The following MROH2A variants were observed in gnomAD, a reference collection of about 807,000 sequenced individuals.
The protein encoded by MROH2A is maestro heat like repeat family member 2A.
A neutral mutation model predicts 200.4 loss-of-function variants in MROH2A; 174 were observed. That is an observed-to-expected ratio of 0.87 (90% CI 0.77 to 0.98). The LOEUF (loss-of-function observed/expected upper bound fraction) is 0.98, where lower values mean the gene tolerates loss of function less well. Among genes scored for constraint, MROH2A ranks in the 50% least tolerant of loss-of-function variants. The pLI, the probability that MROH2A is intolerant of heterozygous loss-of-function variation, is 0.00. For synonymous variants in MROH2A, 829 were observed against 840.4 expected, an observed-to-expected ratio of 0.99 and a Z score of 0.23; for missense variants, 2,045 against 2,139.6, an observed-to-expected ratio of 0.96 and a Z score of 0.87.
In MROH2A at chr2:233,787,406, A is replaced by AACACAC. The variant is rs149271880; in HGVS notation, c.277-2071_277-2066dup. ...TTCATTATAAAGCATGGATATGTAT[A>AACACAC]ACACACACACACACACACACACACA... On this transcript the variant is annotated intron_variant, in intron 3 of 41. Coordinates refer to ENST00000389758, the MANE Select transcript of MROH2A (RefSeq NM_001394639.1). 2.5e-4 allele frequency among the ~76,000 whole-genome samples: 32 copies of AACACAC among 127,272 alleles called. 1 individual carries two copies. In the East Asian group the frequency reaches 4.9e-3, roughly 20 times the overall value. 83.5% of individuals were successfully genotyped at this position (127,272 alleles called of 152,430 possible).
chr2:233,800,042 T>A (rs1476119720), intron 13 of MROH2A, 143 bp downstream of exon 13: 1 of 1,224,698 alleles, frequency 8.2e-7, no homozygotes, highest in Non-Finnish European at 1.1e-6. Flanking sequence ...ACAGTGAACC[T>A]GCAGGTGACA....
intron 3 of MROH2A, among the ~76,000 whole-genome samples, chr2:233,784,964 G>A (rs1701123769): frequency 6.6e-6 from 1 of 151,996 alleles, no homozygotes; most frequent in Admixed American, 6.6e-5. Flanking sequence ...TGACCAATGT[G>A]GTAAAACCCC....
rs143758019 is a variant in MROH2A, at chr2:233,799,982, C to A, written c.1449+83C>A. 1.3e-4 allele frequency: 198 copies of A among 1,518,438 alleles called. No individual in the cohort carries two copies. In the African/African-American group the frequency reaches 2.2e-3, roughly 17 times the overall value. 94.1% of individuals were successfully genotyped at this position (1,518,438 alleles called of 1,614,324 possible). On this transcript the variant is annotated intron_variant, in intron 13 of 41. Coordinates refer to ENST00000389758, the MANE Select transcript of MROH2A (RefSeq NM_001394639.1). ...GTGCTGAGGGGAGAATGCCACTCAG[C>A]GTACCTGTGTTCAAACCTGCGTATC...
intron 40 of MROH2A, 47 bp from the exon 41 acceptor site, chr2:233,832,532 C>A: frequency 1.5e-6 from 2 of 1,375,808 alleles, no homozygotes; most frequent in Non-Finnish European, 1.0e-6. Flanking sequence ...GACTTGCCTG[C>A]TGACCTAATA....
At position 233,822,205 on chromosome 2, in the gene MROH2A, G is replaced by GCAGT. The variant is rs1479798178; in HGVS notation, c.3597_3600dup (p.Arg1201ValfsTer14). On this transcript the variant is annotated frameshift_variant, in exon 32 of 42. Transcript: ENST00000389758. LOFTEE classifies it high-confidence loss of function. ...TGCTCCACAGCCTGATGGGCCGGCTGCAGTCACGGCTCAGCCCCAGAATCA... is the reference window on the plus strand; with the variant it reads ...TGCTCCACAGCCTGATGGGCCGGCTGCAGTCAGTCACGGCTCAGCCCCAGAATCA... 6.5e-7 allele frequency: 1 copy of GCAGT among 1,548,714 alleles called. No individual in the cohort carries two copies. The highest frequency in any genetic ancestry group is 1.4e-5 in the African/African-American group (1 of 73,068).
Position 233,779,521 on chromosome 2 carries a change from A to C in MROH2A, c.94+69A>C. ...ACACTAACTCTTTGACTGCAGCCCCAGCCTAGGTCTCCCTTTCTCCATCTG... is the reference window on the plus strand; with the variant it reads ...ACACTAACTCTTTGACTGCAGCCCCCGCCTAGGTCTCCCTTTCTCCATCTG... On this transcript the variant is annotated intron_variant, in intron 2 of 41. Coordinates refer to ENST00000389758, the MANE Select transcript of MROH2A (RefSeq NM_001394639.1). 2.1e-6 allele frequency: 3 copies of C among 1,409,262 alleles called. No homozygotes were observed. The South Asian group carries it at 3.7e-5, about 17-fold the overall frequency. The allele number at this position is 1,409,262 out of a possible 1,614,324, so 87.3% of individuals were successfully genotyped here.
In MROH2A at chr2:233,823,140, G is replaced by A. The variant is rs533563963; in HGVS notation, c.4004+122G>A. 3.8e-6 allele frequency: 4 copies of A among 1,055,556 alleles called. No individual in the cohort carries two copies. In the African/African-American group the frequency reaches 6.4e-5, roughly 17 times the overall value. The allele number at this position is 1,055,556 out of a possible 1,614,324, so 65.4% of individuals were successfully genotyped here. A position where few individuals can be genotyped will look rare whatever the true frequency, so the allele number is the denominator to read the frequency against. On this transcript the variant is annotated intron_variant, in intron 34 of 41. Transcript: ENST00000389758. Reference sequence around the variant, plus strand: ...TGAAGGCCTTCTTTCTGGGGGAACTGCCACGCCAACCTGTGACTCTAGGAT... The same window carrying A: ...TGAAGGCCTTCTTTCTGGGGGAACTACCACGCCAACCTGTGACTCTAGGAT...
chr2:233,814,267 T>C (rs529929783), intron 25 of MROH2A, among the ~76,000 whole-genome samples: 2 of 152,074 alleles, frequency 1.3e-5, no homozygotes, highest in Non-Finnish European at 2.9e-5. Flanking sequence ...CCTGATGAGA[T>C]GGCTGTTTCC....
intron 35 of MROH2A, among the ~76,000 whole-genome samples, chr2:233,827,028 T>C (rs1303520056): frequency 6.6e-6 from 1 of 152,156 alleles, no homozygotes; most frequent in Non-Finnish European, 1.5e-5. Flanking sequence ...GGAGATACCA[T>C]ATCATGCCAG....
rs897111607 is a variant in MROH2A at position 233,793,642 on chromosome 2, G to T, written c.671-31G>T. 3 of 1,342,650 alleles carry T rather than the reference G, an allele frequency of 2.2e-6. No individual in the cohort carries two copies. In the South Asian group the frequency reaches 6.4e-5, roughly 29 times the overall value. The allele number at this position is 1,342,650 out of a possible 1,614,324, so 83.2% of individuals were successfully genotyped here. On this transcript the variant is annotated intron_variant, in intron 6 of 41. Transcript: ENST00000389758. The stretch of plus-strand genomic sequence containing the variant: ...TGGTTCTGCTTCCAGCCCCTCTGGC[G>T]CCAAGTGCATTCCCCTGTTGCTGTT...
chr2:233,806,817 T>C (rs1056683171), intron 19 of MROH2A, among the ~76,000 whole-genome samples: 2 of 152,188 alleles, frequency 1.3e-5, no homozygotes, highest in African/African-American at 4.8e-5. Context: ...TTTATTTCCA[T>C]AGGTTTTTGG....
Position 233,828,654 on chromosome 2 carries a change from C to G in MROH2A, c.4138C>G (p.Gln1380Glu). 1 of 1,550,782 alleles carries G rather than the reference C, an allele frequency of 6.4e-7. No homozygotes were observed. The highest frequency in any genetic ancestry group is 8.7e-7 in the Non-Finnish European group (1 of 1,147,020). The change falls in exon 36 of 42, where the codon CAG becomes GAG. Residue 1380 changes from glutamine (Q) to glutamate (E), a missense_variant. Gln to Glu is a conservative substitution (Grantham distance 29). Around this residue, in one of 3 missense-constraint regions of MROH2A, gnomAD observed 1,201 missense variants for 1,311.3 expected, o/e 0.92. Transcript: ENST00000389758. This position sits in a 1 kb window ranked among gnomAD's most constrained non-coding sequence, Gnocchi z 4.6. ...GTTCATGAGCGGCCCAGTTCTGTACCAGGAGAAGCTGCTGAAGCCGGCAGC... is the reference window on the plus strand; with the variant it reads ...GTTCATGAGCGGCCCAGTTCTGTACGAGGAGAAGCTGCTGAAGCCGGCAGC... ...VCFMSGPVLY[Q>E]EKLLKPAALL...
At chr2:233,823,359 T>C (rs986241061) in intron 34 of MROH2A, among the ~76,000 whole-genome samples, 197 bp from the exon 35 acceptor site, 4 of 152,134 alleles carry the variant, frequency 2.6e-5, no homozygotes, top group African/African-American at 9.7e-5. Flanking sequence ...AAAAAGGAGA[T>C]AGACATTGAC....
At chr2:233,792,465 A>C (rs954209217) in intron 5 of MROH2A, among the ~76,000 whole-genome samples, 1 of 151,946 alleles carries the variant, frequency 6.6e-6, no homozygotes, top group African/African-American at 2.4e-5. Flanking sequence ...GGCGCCTGCC[A>C]ACACGCCCGG....
intron 26 of MROH2A, among the ~76,000 whole-genome samples, chr2:233,815,468 A>C (rs899550750): frequency 6.6e-6 from 1 of 152,206 alleles, no homozygotes; most frequent in African/African-American, 2.4e-5. Context: ...CAAATCTAAG[A>C]AACCGTCCAA....
At chr2:233,776,565 GA>G (rs1700713123), upstream of MROH2A, among the ~76,000 whole-genome samples, 2 of 151,636 alleles carry the variant, frequency 1.3e-5, no homozygotes, top group Non-Finnish European at 2.9e-5. Context: ...GTTTCCCCAT[GA>G]AAAAAAGTAT....
At chr2:233,802,119 C>A (rs1477522072) in intron 14 of MROH2A, 49 bp from the exon 15 acceptor site, 1 of 1,513,114 alleles carries the variant, frequency 6.6e-7, no homozygotes, top group African/African-American at 1.4e-5. Flanking sequence ...CTTAGAAGCC[C>A]AGGGCTTGGG....
At chr2:233,826,174 C>T (rs186964149) in intron 35 of MROH2A, among the ~76,000 whole-genome samples, 276 of 152,264 alleles carry the variant, frequency 1.8e-3, no homozygotes, top group South Asian at 5.4e-3. Flanking sequence ...TTGCCCGCCT[C>T]GGCCTCCCAA....
rs957517940 is a variant in MROH2A, at chr2:233,820,226, G to A, written c.3512+170G>A. Among the ~76,000 whole-genome samples, 9 of 152,282 alleles carry A rather than the reference G, an allele frequency of 5.9e-5. No individual in the cohort carries two copies. Among genetic ancestry groups the A allele is most frequent in the East Asian group, 3.9e-4 (2 of 5,168 alleles). The stretch of plus-strand genomic sequence containing the variant: ...CCTGCAGGAGGTGCCAGCCTCCGAC[G>A]AGCCACTGACAGAGCCCAGGCTTGT... On this transcript the variant is annotated intron_variant, in intron 31 of 41. Coordinates refer to ENST00000389758, the MANE Select transcript of MROH2A (RefSeq NM_001394639.1). This position sits in a 1 kb window ranked among gnomAD's most constrained non-coding sequence, Gnocchi z 4.1.
Sources: allele counts gnomAD v4.1 joint callset (sites outside exome capture counted in the v4.1 genomes callset), GRCh38; gene constraint gnomAD v4.1.1; regional missense constraint gnomAD v4.1.1; non-coding constraint Gnocchi (gnomAD v3.1); transcripts MANE v1.5; gene names NCBI Gene and HGNC (gene_info 2026-07-23, HGNC 2026-07-21).